COL26A1: variants seen among roughly 807,000 people sequenced by gnomAD.
COL26A1 encodes the protein collagen type XXVI alpha 1 chain.
Under a neutral mutation model 59.3 loss-of-function variants are expected in COL26A1, and 41 were observed. The ratio of observed to expected loss-of-function variants is 0.69; its 90% confidence interval spans 0.54 to 0.90. The LOEUF is 0.90. Among genes scored for constraint, COL26A1 ranks in the 40% least tolerant of loss-of-function variants. The pLI, the probability that COL26A1 is intolerant of heterozygous loss-of-function variation, is 0.00. For synonymous variants in COL26A1, 266 were observed against 256.0 expected (o/e 1.04, Z -0.37); for missense variants, 612 against 602.3 (o/e 1.02, Z -0.17).
At chr7:101,541,973 ATT>A (rs111971654) in intron 5 of COL26A1, among the ~76,000 whole-genome samples, 1 of 148,448 alleles carries the variant, frequency 6.7e-6, no homozygotes, top group African/African-American at 2.5e-5. Context: ...TACAGATATA[ATT>A]TTTTTTTTTG....
At position 101,545,424 on chromosome 7, in the gene COL26A1, C is replaced by T; in HGVS notation, c.790C>T (p.Pro264Ser). The T allele has an allele frequency of 9.3e-6, 15 of 1,608,170 alleles. No individual in the cohort carries two copies. The highest frequency in any genetic ancestry group is 1.3e-5 in the Non-Finnish European group (15 of 1,177,948). The change falls in exon 7 of 13, where the codon CCA (proline) becomes TCA (serine). Residue 264 changes from proline (P) to serine (S), a missense_variant. Physicochemically the swap from Pro to Ser is moderately conservative, Grantham distance 74 (BLOSUM62 -1). Coordinates refer to ENST00000313669, the MANE Select transcript of COL26A1 (RefSeq NM_001278563.3). ...AGGACCACCCGGCCCAGCAGGCAAC[C>T]CAGGCCCCTCACCAAACAGCCCCCA... ...PPGPPGPAGN[P>S]GPSPNSPQGA...
At chr7:101,535,086 G>T (rs566086619) in intron 4 of COL26A1, among the ~76,000 whole-genome samples, 36 of 152,344 alleles carry the variant, frequency 2.4e-4, no homozygotes, top group African/African-American at 8.7e-4. Context: ...TTGTCCTCCA[G>T]CCCTTCCATG....
intron 3 of COL26A1, among the ~76,000 whole-genome samples, chr7:101,502,255 T>C (rs1210761565): frequency 6.6e-6 from 1 of 152,068 alleles, no homozygotes; most frequent in Non-Finnish European, 1.5e-5. Context: ...GGCGGGGGAA[T>C]CACTTGAATC....
intron 7 of COL26A1, among the ~76,000 whole-genome samples, chr7:101,546,386 C>T (rs532377767): frequency 1.1e-4 from 17 of 150,078 alleles, no homozygotes; most frequent in South Asian, 2.1e-4. Context: ...AGGCATGTAT[C>T]GCCACATCTA....
chr7:101,447,502 G>A (rs955415220), intron 2 of COL26A1, among the ~76,000 whole-genome samples, 182 bp from the exon 3 acceptor site: 9 of 152,230 alleles, frequency 5.9e-5, no homozygotes, highest in Non-Finnish European at 8.8e-5. Flanking sequence ...AACTTCCTCC[G>A]TTATGATTTT....
In COL26A1 at chr7:101,480,560, G is replaced by A. The variant is rs573413934; in HGVS notation, c.385+32773G>A. ...CTATTGCCTAGCCTGGAGTGTCATA[G>A]TGCAATCCTGGCTTACCATAACCTT... On this transcript the variant is annotated intron_variant, in intron 3 of 12. Coordinates refer to ENST00000313669, the MANE Select transcript of COL26A1 (RefSeq NM_001278563.3). Among the ~76,000 whole-genome samples the A allele has an allele frequency of 9.9e-5, 15 of 152,202 alleles. No homozygotes were observed. The South Asian group carries it at 2.3e-3, about 23-fold the overall frequency.
intron 1 of COL26A1, among the ~76,000 whole-genome samples, chr7:101,404,004 G>A (rs1792072506): frequency 6.6e-6 from 1 of 152,182 alleles, no homozygotes; most frequent in South Asian, 2.1e-4. Context: ...TGAGGCAGGA[G>A]AATCGCTTGA....
chr7:101,417,833 C>T (rs918964540), intron 1 of COL26A1, among the ~76,000 whole-genome samples: 3 of 151,770 alleles, frequency 2.0e-5, no homozygotes, highest in Middle Eastern at 6.8e-3. Context: ...GTGATTCTCC[C>T]GTCTCAGCCT....
intron 3 of COL26A1, among the ~76,000 whole-genome samples, chr7:101,462,405 C>A (rs967383241): frequency 6.6e-6 from 1 of 151,986 alleles, no homozygotes; most frequent in African/African-American, 2.4e-5. Flanking sequence ...CAACCTCTGC[C>A]TCCTGGGTTC....
At chr7:101,409,131 A>G (rs1333695667) in intron 1 of COL26A1, among the ~76,000 whole-genome samples, 3 of 151,888 alleles carry the variant, frequency 2.0e-5, no homozygotes, top group African/African-American at 7.3e-5. Context: ...CTTAGGTAGC[A>G]GAATGAGGAG....
intron 2 of COL26A1, among the ~76,000 whole-genome samples, chr7:101,429,381 T>C (rs945198293): frequency 6.6e-6 from 1 of 152,120 alleles, no homozygotes; most frequent in African/African-American, 2.4e-5. Flanking sequence ...GTTGAAGACG[T>C]CTCCTTTATT....
At chr7:101,494,811 C>T (rs1037697847) in intron 3 of COL26A1, among the ~76,000 whole-genome samples, 31 of 152,338 alleles carry the variant, frequency 2.0e-4, no homozygotes, top group African/African-American at 5.8e-4. Context: ...TTGGTCCCGG[C>T]GCCATGGCTG....
chr7:101,403,174 C>T (rs1431950413), intron 1 of COL26A1, among the ~76,000 whole-genome samples: 1 of 152,064 alleles, frequency 6.6e-6, no homozygotes, highest in Non-Finnish European at 1.5e-5. Flanking sequence ...CCATTCAAGT[C>T]CATAGAGAGA....
At chr7:101,440,987 A>AG (rs1793044425) in intron 2 of COL26A1, among the ~76,000 whole-genome samples, 2 of 151,148 alleles carry the variant, frequency 1.3e-5, no homozygotes, top group South Asian at 4.2e-4. Context: ...AAAAAAAAAA[A>AG]AAAGAAAGAA....
chr7:101,474,431 TA>T (rs5886194), intron 3 of COL26A1, among the ~76,000 whole-genome samples: 80,229 of 148,716 alleles, frequency 0.54, 23,581 homozygotes, highest in African/African-American at 0.79. Context: ...ACCCCATCTC[TA>T]AAAAAAAAAA....
intron 2 of COL26A1, among the ~76,000 whole-genome samples, chr7:101,429,588 A>ATTTTTTTTT (rs1792729327): frequency 2.0e-5 from 1 of 49,892 alleles, no homozygotes; most frequent in African/African-American, 9.2e-5. Flanking sequence ...TTTCTTTTTT[A>ATTTTTTTTT]CTTTTTTTTT....
At position 101,489,709 on chromosome 7, in the gene COL26A1, C is replaced by CTT. The variant is rs764362800; in HGVS notation, c.385+41924_385+41925dup. On this transcript the variant is annotated intron_variant, in intron 3 of 12. Transcript: ENST00000313669. The stretch of plus-strand genomic sequence containing the variant: ...TCTTTCTTTCTTTCTGTCTTTCTTT[C>CTT]TTTCATTCTTTCTTTCTCTCTCTCT... Among the ~76,000 whole-genome samples, 162 of 70,526 alleles carry CTT rather than the reference C, an allele frequency of 2.3e-3. 34 individuals carry two copies. Among genetic ancestry groups the CTT allele is most frequent in the South Asian group, 0.02 (41 of 2,070 alleles). 46.3% of individuals were successfully genotyped at this position (70,526 alleles called of 152,430 possible).
At chr7:101,418,971 C>T (rs1171163098) in intron 1 of COL26A1, among the ~76,000 whole-genome samples, 1 of 151,848 alleles carries the variant, frequency 6.6e-6, no homozygotes, top group Non-Finnish European at 1.5e-5. Context: ...CCCCTTCCTT[C>T]AGCCTTCTGG....
At chr7:101,376,566 G>T (rs916829349) in intron 1 of COL26A1, among the ~76,000 whole-genome samples, 1 of 151,974 alleles carries the variant, frequency 6.6e-6, no homozygotes, top group African/African-American at 2.4e-5. Flanking sequence ...CACTGGGGTC[G>T]TTTCGGACCT....
Sources: gnomAD v4.1 joint callset for allele counts (sites outside exome capture counted in the v4.1 genomes callset) on GRCh38, gnomAD v4.1.1 for gene constraint, MANE v1.5 for transcripts, NCBI Gene and HGNC (gene_info 2026-07-23, HGNC 2026-07-21) for gene names.